TMEM135: variants seen among roughly 807,000 people sequenced by gnomAD.
The protein encoded by TMEM135 is peroxisomal membrane protein 52.
In TMEM135, 30 loss-of-function variants were observed where a neutral mutation model predicts 60.3. The ratio of observed to expected loss-of-function variants is 0.50; its 90% CI spans 0.37 to 0.68. TMEM135 has a LOEUF of 0.68. Among genes scored for constraint, TMEM135 ranks in the 30% least tolerant of loss-of-function variants. The pLI is 0.00. For synonymous variants in TMEM135, 190 were observed against 186.7 expected, an observed-to-expected ratio of 1.02 and a Z score of -0.14; for missense variants, 468 against 548.8, an observed-to-expected ratio of 0.85 and a Z score of 1.47.
chr11:87,150,087 C>T (rs910985933), intron 4 of TMEM135, among the ~76,000 whole-genome samples: 2 of 151,706 alleles, frequency 1.3e-5, no homozygotes, highest in Non-Finnish European at 2.9e-5. Flanking sequence ...CATGGTGGCA[C>T]ATGCCTGTAA....
intron 1 of TMEM135, among the ~76,000 whole-genome samples, chr11:87,066,535 A>G (rs1475720665): frequency 3.3e-5 from 5 of 151,450 alleles, no homozygotes; most frequent in African/African-American, 1.2e-4. Flanking sequence ...TATAATTGCT[A>G]AATTATTTCA....
At chr11:87,070,342 C>G (rs1008734508) in intron 2 of TMEM135, among the ~76,000 whole-genome samples, 2 of 151,886 alleles carry the variant, frequency 1.3e-5, no homozygotes, top group Non-Finnish European at 1.5e-5. Context: ...CTCATGTCTC[C>G]AAATATTTTT....
intron 1 of TMEM135, among the ~76,000 whole-genome samples, chr11:87,059,157 G>T (rs2135125685): frequency 6.6e-6 from 1 of 151,754 alleles, no homozygotes; most frequent in South Asian, 2.1e-4. Flanking sequence ...GGCTGGTCTT[G>T]AACTCCTGAC....
intron 4 of TMEM135, among the ~76,000 whole-genome samples, chr11:87,104,297 C>CT (rs1343530243): frequency 6.6e-6 from 1 of 151,954 alleles, no homozygotes; most frequent in Non-Finnish European, 1.5e-5. Flanking sequence ...GTCTGTCTGT[C>CT]TTTTTTTATG....
chr11:87,319,584 A>G (rs1031420836), intron 14 of TMEM135, among the ~76,000 whole-genome samples: 1 of 152,048 alleles, frequency 6.6e-6, no homozygotes, highest in Non-Finnish European at 1.5e-5. Context: ...GTCTAGATTA[A>G]TATCATGTTG....
chr11:87,104,022 G>T (rs1241257267), intron 4 of TMEM135, among the ~76,000 whole-genome samples: 1 of 152,126 alleles, frequency 6.6e-6, no homozygotes, highest in Non-Finnish European at 1.5e-5. Flanking sequence ...CCAGTGCCAT[G>T]AAGCTTTTGC....
At chr11:87,259,271 G>A in intron 6 of TMEM135, 2 of 399,816 alleles carry the variant, frequency 5.0e-6, no homozygotes, top group Middle Eastern at 4.6e-4. Flanking sequence ...TGGCTGTAGG[G>A]GACACCAGAA....
intron 4 of TMEM135, among the ~76,000 whole-genome samples, chr11:87,125,971 G>C (rs750902307): frequency 6.6e-6 from 1 of 152,128 alleles, no homozygotes; most frequent in Non-Finnish European, 1.5e-5. Flanking sequence ...CTCATTACCT[G>C]GAACATATAC....
At chr11:87,094,501 A>G (rs548147675) in intron 4 of TMEM135, among the ~76,000 whole-genome samples, 1 of 152,084 alleles carries the variant, frequency 6.6e-6, no homozygotes, top group Admixed American at 6.5e-5. Flanking sequence ...TTTCAATACT[A>G]CTTCTTTCAA....
chr11:87,315,961 T>G (rs1027846834), intron 12 of TMEM135, among the ~76,000 whole-genome samples: 1 of 152,004 alleles, frequency 6.6e-6, no homozygotes, highest in African/African-American at 2.4e-5. Context: ...TTTCTTGCTG[T>G]AAGACAATAT....
chr11:87,216,067 A>C (rs995193019), intron 5 of TMEM135, among the ~76,000 whole-genome samples: 2 of 152,112 alleles, frequency 1.3e-5, no homozygotes, highest in African/African-American at 4.8e-5. Flanking sequence ...GTAATTTCTT[A>C]CTGTTCCTAA....
intron 4 of TMEM135, among the ~76,000 whole-genome samples, chr11:87,105,958 T>C (rs1857584281): frequency 1.3e-5 from 2 of 152,186 alleles, no homozygotes; most frequent in African/African-American, 4.8e-5. Context: ...CTGGTATTTA[T>C]CATTCTGCTG....
rs1280376477 is a variant in TMEM135, at chr11:87,328,727, T to A, written c.*7394T>A. On this transcript the variant is annotated 3_prime_UTR_variant, in exon 15 of 15. Transcript: ENST00000305494. ...TATTCCATGGTGCATATATACCACA[T>A]TTTCTTTATCCACTCATTGGTCTAT... 1 of 454,108 alleles carries A rather than the reference T, an allele frequency of 2.2e-6. No homozygotes were observed. The highest frequency in any genetic ancestry group is 4.4e-6 in the Non-Finnish European group (1 of 226,786). 28.1% of individuals were successfully genotyped at this position (454,108 alleles called of 1,614,324 possible). A position where few individuals can be genotyped will look rare whatever the true frequency, so the allele number is the denominator to read the frequency against.
chr11:87,161,632 A>G (rs1938884074), intron 5 of TMEM135, among the ~76,000 whole-genome samples: 1 of 152,142 alleles, frequency 6.6e-6, no homozygotes, highest in Admixed American at 6.6e-5. Flanking sequence ...GATACCATAT[A>G]TCTTTCTTAC....
intron 5 of TMEM135, chr11:87,178,610 G>A (rs151030580): frequency 2.4e-6 from 1 of 421,060 alleles, no homozygotes; most frequent in African/African-American, 2.0e-5. Context: ...ATTTTTAGTA[G>A]AGACGGGATT....
intron 3 of TMEM135, among the ~76,000 whole-genome samples, chr11:87,075,634 C>T (rs1689795473): frequency 1.3e-5 from 2 of 152,174 alleles, no homozygotes; most frequent in Non-Finnish European, 2.9e-5. Context: ...TTTCCCTCTA[C>T]AGCATTGCTT....
At chr11:87,284,399 C>A (rs948655003) in intron 6 of TMEM135, among the ~76,000 whole-genome samples, 2 of 152,182 alleles carry the variant, frequency 1.3e-5, no homozygotes, top group Non-Finnish European at 2.9e-5. Context: ...GACTTTAAAG[C>A]AGAAACAGTT....
At position 87,204,085 on chromosome 11, in the gene TMEM135, C is replaced by G. The variant is rs77699620; in HGVS notation, c.463-32553C>G. Among the ~76,000 whole-genome samples, 10 of 151,940 alleles carry G rather than the reference C, an allele frequency of 6.6e-5. No homozygotes were observed. The East Asian group carries it at 1.9e-3, about 29-fold the overall frequency. On this transcript the variant is annotated intron_variant, in intron 5 of 14. Transcript: ENST00000305494. ...CCATACACCATTCTGTACCCTGTTC[C>G]TCTTTTGGCTCGTTTACTTTCAGTA...
intron 6 of TMEM135, among the ~76,000 whole-genome samples, chr11:87,280,313 T>C (rs1228638453): frequency 1.3e-5 from 2 of 152,214 alleles, no homozygotes; most frequent in Non-Finnish European, 2.9e-5. Context: ...GGAGTATCTT[T>C]GTTAAACATA....
Sources: allele counts gnomAD v4.1 joint callset (sites outside exome capture counted in the v4.1 genomes callset), GRCh38; gene constraint gnomAD v4.1.1; transcripts MANE v1.5; gene names NCBI Gene and HGNC (gene_info 2026-07-23, HGNC 2026-07-21).